The following TMEM167A variants were observed in gnomAD, a reference collection of about 807,000 sequenced individuals.
TMEM167A encodes transmembrane protein 167A.
TMEM167A carries 8 observed loss-of-function variants against 11.6 expected under a neutral mutation model. The observed-to-expected ratio is 0.69, with a 90% CI of 0.40 to 1.24. The LOEUF is 1.24. Ranked by LOEUF, TMEM167A falls within the 50% of genes most tolerant of loss-of-function variation. TMEM167A has a pLI of 0.01. For synonymous variants in TMEM167A, 22 were observed against 28.0 expected, an observed-to-expected ratio of 0.79 and a Z score of 0.67; for missense variants, 62 against 87.0, an observed-to-expected ratio of 0.71 and a Z score of 1.14.
At chr5:83,066,813 G>T (rs574896587) in intron 1 of TMEM167A, among the ~76,000 whole-genome samples, 110 of 152,154 alleles carry the variant, frequency 7.2e-4, no homozygotes, top group African/African-American at 2.6e-3. Context: ...TCTCATTAGT[G>T]AGATCTCACA....
chr5:83,066,697 T>C (rs916800510), intron 1 of TMEM167A, among the ~76,000 whole-genome samples: 19 of 152,158 alleles, frequency 1.2e-4, no homozygotes, highest in Admixed American at 1.0e-3. Flanking sequence ...AGATTGAAAT[T>C]TGATCCCCAG....
intron 1 of TMEM167A, among the ~76,000 whole-genome samples, chr5:83,068,121 G>A (rs1744510075): frequency 7.6e-6 from 1 of 132,238 alleles, no homozygotes; most frequent in Non-Finnish European, 1.8e-5. Flanking sequence ...GTCATATTTT[G>A]AATATGTATG....
rs566510471 is a variant in TMEM167A, at chr5:83,075,714, C to T, written c.3+1607G>A. Among the ~76,000 whole-genome samples the T allele has an allele frequency of 2.1e-3, 320 of 150,990 alleles. 1 individual carries two copies. The highest frequency in any genetic ancestry group is 7.4e-3 in the African/African-American group (304 of 41,064). ...GAGCTGAGATTATGCCACTGCACTCCAGCCTGGGCAACAGAGGGAGACTCC... is the reference window on the plus strand; with the variant it reads ...GAGCTGAGATTATGCCACTGCACTCTAGCCTGGGCAACAGAGGGAGACTCC... On this transcript the variant is annotated intron_variant, in intron 1 of 3. Coordinates refer to ENST00000502346, the MANE Select transcript of TMEM167A (RefSeq NM_174909.5).
chr5:83,069,387 G>C (rs1744529917), intron 1 of TMEM167A, among the ~76,000 whole-genome samples: 1 of 152,016 alleles, frequency 6.6e-6, no homozygotes, highest in Non-Finnish European at 1.5e-5. Context: ...AAAAGGGAAA[G>C]GAGGAATCTA....
intron 1 of TMEM167A, among the ~76,000 whole-genome samples, chr5:83,073,544 C>T (rs1333669886): frequency 6.6e-6 from 1 of 152,204 alleles, no homozygotes; most frequent in Non-Finnish European, 1.5e-5. Flanking sequence ...TGGCTATTTG[C>T]TATTTCAGTT....
At position 83,055,290 on chromosome 5, in the gene TMEM167A, C is replaced by T. The variant is rs1744312004; in HGVS notation, c.*1794G>A. On this transcript the variant is annotated 3_prime_UTR_variant, in exon 4 of 4. Coordinates refer to ENST00000502346, the MANE Select transcript of TMEM167A (RefSeq NM_174909.5). ...CTTCCTCTTTTCATATTCGATTTGT[C>T]TTAGCATATAAAAAATTAGTTGACA... is the stretch of plus-strand genomic sequence containing the variant. 6.6e-6 allele frequency: 1 copy of T among 151,906 alleles called. No homozygotes were observed. Among genetic ancestry groups the T allele is most frequent in the South Asian group, 2.1e-4 (1 of 4,822 alleles). 9.4% of individuals were successfully genotyped at this position (151,906 alleles called of 1,614,324 possible).
At chr5:83,057,885 A>G (rs1744355045) in intron 3 of TMEM167A, among the ~76,000 whole-genome samples, 1 of 152,106 alleles carries the variant, frequency 6.6e-6, no homozygotes, top group African/African-American at 2.4e-5. Flanking sequence ...GATAGAGATC[A>G]TGTCATTGTG....
chr5:83,074,289 T>C (rs147143590), intron 1 of TMEM167A, among the ~76,000 whole-genome samples: 3 of 152,302 alleles, frequency 2.0e-5, no homozygotes, highest in Middle Eastern at 6.8e-3. Context: ...GAGATTGCTG[T>C]CCCACCTCTA....
At chr5:83,077,175 TG>T in intron 1 of TMEM167A, 145 bp downstream of exon 1, 1 of 1,154,400 alleles carries the variant, frequency 8.7e-7, no homozygotes, top group Non-Finnish European at 1.3e-6. Flanking sequence ...TGATTCTCTC[TG>T]GTTGGCCGTG....
At chr5:83,065,988 T>G (rs1744475706) in intron 1 of TMEM167A, among the ~76,000 whole-genome samples, 1 of 152,146 alleles carries the variant, frequency 6.6e-6, no homozygotes, top group South Asian at 2.1e-4. Flanking sequence ...GAACTCTCTT[T>G]TCTAGTCTCA....
intron 2 of TMEM167A, among the ~76,000 whole-genome samples, chr5:83,063,269 AC>A (rs765854527): frequency 2.4e-4 from 36 of 152,160 alleles, no homozygotes; most frequent in Middle Eastern, 3.4e-3. Flanking sequence ...AAAAGGACCC[AC>A]CCTCAAAGGG....
intron 1 of TMEM167A, among the ~76,000 whole-genome samples, chr5:83,066,824 A>G (rs976746295): frequency 1.3e-5 from 2 of 152,124 alleles, no homozygotes; most frequent in Non-Finnish European, 2.9e-5. Flanking sequence ...AGATCTCACA[A>G]GACTGGATTA....
rs1561307729 is a variant in TMEM167A at position 83,077,302 on chromosome 5, T to C, written c.3+19A>G. The C allele has an allele frequency of 2.5e-6, 4 of 1,614,068 alleles. No individual in the cohort carries two copies. Among genetic ancestry groups the C allele is most frequent in the African/African-American group, 1.3e-5 (1 of 74,932 alleles). On this transcript the variant is annotated intron_variant, in intron 1 of 3. Transcript: ENST00000502346. ...CCCTTCTCGAAGATCAACCGCGACC[T>C]GGGAGCCCCACTTCTTACCATAGCG...
At position 83,056,668 on chromosome 5, in the gene TMEM167A, A is replaced by T. The variant is rs1744336332; in HGVS notation, c.*416T>A. On this transcript the variant is annotated 3_prime_UTR_variant, in exon 4 of 4. Coordinates refer to ENST00000502346, the MANE Select transcript of TMEM167A (RefSeq NM_174909.5). ...ATTAATGCAATCCTTATCAACACAAATTGAGCCATTTTAATAAAAAAGCTA... is the reference window on the plus strand; with the variant it reads ...ATTAATGCAATCCTTATCAACACAATTTGAGCCATTTTAATAAAAAAGCTA... 2 of 233,798 alleles carry T rather than the reference A, an allele frequency of 8.6e-6. No homozygotes were observed. 14.5% of individuals were successfully genotyped at this position (233,798 alleles called of 1,614,324 possible).
At chr5:83,069,472 T>C (rs1322603740) in intron 1 of TMEM167A, among the ~76,000 whole-genome samples, 1 of 152,160 alleles carries the variant, frequency 6.6e-6, no homozygotes, top group Non-Finnish European at 1.5e-5. Flanking sequence ...TTCATTTACC[T>C]TGTTTAATTT....
intron 2 of TMEM167A, among the ~76,000 whole-genome samples, 166 bp downstream of exon 2, chr5:83,064,842 T>C (rs115179494): frequency 1.9e-3 from 289 of 152,238 alleles, no homozygotes; most frequent in African/African-American, 6.5e-3. Context: ...TTTAGTAAGA[T>C]ATTGTGAATA....
intron 1 of TMEM167A, among the ~76,000 whole-genome samples, chr5:83,068,225 T>C (rs1013215021): frequency 3.9e-5 from 6 of 152,180 alleles, no homozygotes; most frequent in African/African-American, 1.4e-4. Context: ...GGTATCCACT[T>C]TGTCTGAGAA....
chr5:83,059,721 T>A (rs1423707459), intron 3 of TMEM167A, among the ~76,000 whole-genome samples: 1 of 152,064 alleles, frequency 6.6e-6, no homozygotes, highest in African/African-American at 2.4e-5. Flanking sequence ...ACCATAAATT[T>A]CTGTAAATCT....
At chr5:83,063,041 G>A (rs1027082565) in intron 2 of TMEM167A, among the ~76,000 whole-genome samples, 2 of 151,674 alleles carry the variant, frequency 1.3e-5, no homozygotes, top group Non-Finnish European at 2.9e-5. Context: ...GCTATGAACT[G>A]GAATATACAT....
Sources: allele counts gnomAD v4.1 joint callset (sites outside exome capture counted in the v4.1 genomes callset), GRCh38; gene constraint gnomAD v4.1.1; transcripts MANE v1.5; gene names NCBI Gene and HGNC (gene_info 2026-07-23, HGNC 2026-07-21).